Variants in SIPA1L3 observed in about 807,000 individuals in gnomAD.
SIPA1L3 encodes the protein signal-induced proliferation-associated 1-like protein 3.
Under a neutral mutation model 150.1 loss-of-function variants are expected in SIPA1L3, and 59 were observed. That is an observed-to-expected ratio of 0.39 (90% CI 0.32 to 0.49). The LOEUF is 0.49. SIPA1L3 is among the 20% of genes least tolerant of loss of function. The pLI, the probability that SIPA1L3 is intolerant of heterozygous loss-of-function variation, is 0.86. For missense variants in SIPA1L3, 2,211 were observed against 2,489.5 expected (o/e 0.89, Z 2.38); for synonymous variants, 1,070 against 1,077.6 (o/e 0.99, Z 0.14).
intron 15 of SIPA1L3, among the ~76,000 whole-genome samples, chr19:38,175,933 C>T (rs1600172333): frequency 1.3e-5 from 2 of 151,878 alleles, no homozygotes; most frequent in South Asian, 2.1e-4. Context: ...TCAGGCTGGG[C>T]GCTGTGGCTC....
intron 3 of SIPA1L3, among the ~76,000 whole-genome samples, chr19:38,083,426 G>T (rs1255528322): frequency 1.3e-5 from 2 of 152,220 alleles, no homozygotes; most frequent in African/African-American, 4.8e-5. Flanking sequence ...TAAAACAAAT[G>T]TTCTGTCTTC....
At chr19:38,168,385 T>A (rs1464718975) in intron 15 of SIPA1L3, among the ~76,000 whole-genome samples, 1 of 151,748 alleles carries the variant, frequency 6.6e-6, no homozygotes, top group Non-Finnish European at 1.5e-5. Context: ...AGACTCCATC[T>A]TAAAAAACAA....
At chr19:38,009,851 A>G (rs1194922514) in intron 1 of SIPA1L3, among the ~76,000 whole-genome samples, 1 of 152,074 alleles carries the variant, frequency 6.6e-6, no homozygotes, top group African/African-American at 2.4e-5. Context: ...ACGGCGTGAT[A>G]TGGATGGTTA....
intron 20 of SIPA1L3, 113 bp from the exon 21 acceptor site, chr19:38,204,014 G>T: frequency 1.3e-6 from 1 of 787,180 alleles, no homozygotes; most frequent in South Asian, 1.7e-5. Flanking sequence ...CTCAGGCTTT[G>T]CTAGAATGTC....
intron 1 of SIPA1L3, among the ~76,000 whole-genome samples, chr19:37,982,919 C>T (rs1967237885): frequency 6.6e-6 from 1 of 152,178 alleles, no homozygotes; most frequent in Non-Finnish European, 1.5e-5. Context: ...CTTACAGGTT[C>T]CTGTGGCCTC....
intron 6 of SIPA1L3, among the ~76,000 whole-genome samples, chr19:38,101,804 ACT>A (rs1970509818): frequency 6.6e-6 from 1 of 152,118 alleles, no homozygotes; most frequent in South Asian, 2.1e-4. Flanking sequence ...CTAGGTATGC[ACT>A]CTGTCTAATG....
intron 6 of SIPA1L3, among the ~76,000 whole-genome samples, chr19:38,105,103 A>G (rs1042529678): frequency 6.6e-6 from 1 of 151,626 alleles, no homozygotes; most frequent in African/African-American, 2.4e-5. Flanking sequence ...CACGCCTGTA[A>G]TCCCAGCACT....
chr19:38,202,057 G>C (rs1973099346), intron 20 of SIPA1L3, 60 bp downstream of exon 20: 2 of 1,513,626 alleles, frequency 1.3e-6, no homozygotes, highest in African/African-American at 1.4e-5. Context: ...CAGTGGAAGA[G>C]GCTTACCCAG....
intron 1 of SIPA1L3, among the ~76,000 whole-genome samples, chr19:38,008,062 C>T (rs760304013): frequency 1.2e-4 from 18 of 152,022 alleles, no homozygotes; most frequent in Non-Finnish European, 1.8e-4. Context: ...AATGTGAGTG[C>T]GTCTGAAGAC....
chr19:38,197,742 C>T (rs1290226708), intron 18 of SIPA1L3, among the ~76,000 whole-genome samples: 1 of 152,070 alleles, frequency 6.6e-6, no homozygotes, highest in East Asian at 1.9e-4. Context: ...ATCCTATTGG[C>T]TGCCCCTGAA....
intron 1 of SIPA1L3, chr19:37,963,781 A>G (rs1305981033): frequency 6.6e-6 from 1 of 152,168 alleles, no homozygotes; most frequent in Non-Finnish European, 1.5e-5. Flanking sequence ...CCACTTCCCC[A>G]TTCCAGAAGT....
chr19:38,048,629 G>A (rs1969114220), intron 2 of SIPA1L3, among the ~76,000 whole-genome samples: 2 of 152,204 alleles, frequency 1.3e-5, no homozygotes, highest in Non-Finnish European at 2.9e-5. Flanking sequence ...ATTAATGCCT[G>A]CCAAGCTCAG....
chr19:37,988,863 A>C (rs1967428202), intron 1 of SIPA1L3, among the ~76,000 whole-genome samples: 1 of 151,954 alleles, frequency 6.6e-6, no homozygotes, highest in Non-Finnish European at 1.5e-5. Context: ...GCTCTCCAGG[A>C]TCTCTGCGCG....
chr19:38,106,583 C>G lies in SIPA1L3; in HGVS notation c.2076C>G (p.Tyr692Ter). The change falls in exon 7 of 22, where the codon TAC becomes TAG. Residue 692 changes from tyrosine to a stop codon, truncating the protein, a stop_gained. Transcript: ENST00000222345. LOFTEE classifies it high-confidence loss of function. ...CCCTCTACACGATGTACCAGGACTACGAGATCATGTTCCATGTCTCCACCC... is the reference window on the plus strand; with the variant it reads ...CCCTCTACACGATGTACCAGGACTAGGAGATCATGTTCCATGTCTCCACCC... ...THSLYTMYQD[Y>*]EIMFHVSTLL... is the part of the protein sequence containing the mutation. 1 of 1,614,078 alleles carries G rather than the reference C, an allele frequency of 6.2e-7. No individual in the cohort carries two copies. Among genetic ancestry groups the G allele is most frequent in the Non-Finnish European group, 8.5e-7 (1 of 1,179,908 alleles).
intron 15 of SIPA1L3, among the ~76,000 whole-genome samples, chr19:38,165,683 G>A (rs533373878): frequency 6.6e-6 from 1 of 152,350 alleles, no homozygotes; most frequent in East Asian, 1.9e-4. Context: ...TCAAAGGCTT[G>A]TTCAGCCCAG....
chr19:38,204,491 G>A (rs1386859096), intron 21 of SIPA1L3, among the ~76,000 whole-genome samples: 5 of 152,200 alleles, frequency 3.3e-5, no homozygotes, highest in South Asian at 2.1e-4. Flanking sequence ...GTGGCTGGGC[G>A]CGGTGGCTCA....
chr19:37,986,081 G>T (rs1002442249), intron 1 of SIPA1L3, among the ~76,000 whole-genome samples: 2 of 152,264 alleles, frequency 1.3e-5, no homozygotes, highest in African/African-American at 4.8e-5. Flanking sequence ...TGGGCATGCT[G>T]CTTGGGGCTG....
chr19:38,033,673 ATGTG>A (rs55896571), intron 2 of SIPA1L3, among the ~76,000 whole-genome samples: 1,928 of 29,524 alleles, frequency 0.065, 43 homozygotes, highest in African/African-American at 0.088. Context: ...AGAGATACGT[ATGTG>A]TGTGTGTGTG....
chr19:38,206,420 C>G lies in SIPA1L3; in HGVS notation c.*180C>G. The G allele has an allele frequency of 1.5e-6, 1 of 673,906 alleles. No individual in the cohort carries two copies. The highest frequency in any genetic ancestry group is 2.4e-6 in the Non-Finnish European group (1 of 421,918). The allele number at this position is 673,906 out of a possible 1,614,324, so 41.7% of individuals were successfully genotyped here. A position where few individuals can be genotyped will look rare whatever the true frequency, so the allele number is the denominator to read the frequency against. On this transcript the variant is annotated 3_prime_UTR_variant, in exon 22 of 22. Coordinates refer to ENST00000222345, the MANE Select transcript of SIPA1L3 (RefSeq NM_015073.3). ...TGTGAGTCAGGGTCAGCGCGCACAG[C>G]CCTCATGCCCCAGAGGGCGAAGTGG...
Sources: gnomAD v4.1 joint callset for allele counts (sites outside exome capture counted in the v4.1 genomes callset) on GRCh38, gnomAD v4.1.1 for gene constraint, MANE v1.5 for transcripts, NCBI Gene and HGNC (gene_info 2026-07-23, HGNC 2026-07-21) for gene names.